Variants in PCDH7 observed in about 807,000 individuals in gnomAD.
The protein encoded by PCDH7 is protocadherin-7.
A neutral mutation model predicts 58.9 loss-of-function variants in PCDH7; 17 were observed. The observed-to-expected ratio is 0.29, with a 90% CI of 0.20 to 0.43. PCDH7 has a LOEUF of 0.43. PCDH7 is among the 20% of genes least tolerant of loss of function. The probability of loss-of-function intolerance (pLI) is 1.00; values close to 1 mark genes in which losing one functional copy is unlikely to be tolerated. For missense variants in PCDH7, 1,274 were observed against 1,441.0 expected, an observed-to-expected ratio of 0.88 and a Z score of 1.88; for synonymous variants, 664 against 616.4, an observed-to-expected ratio of 1.08 and a Z score of -1.14.
intron 1 of PCDH7, among the ~76,000 whole-genome samples, chr4:30,917,222 A>G (rs1376620359): frequency 6.6e-6 from 1 of 151,980 alleles, no homozygotes; most frequent in African/African-American, 2.4e-5. Flanking sequence ...CTCTCATTTC[A>G]TCTAACTCTG....
intron 1 of PCDH7, among the ~76,000 whole-genome samples, chr4:30,762,257 G>C (rs566863453): frequency 4.6e-5 from 7 of 151,838 alleles, no homozygotes; most frequent in African/African-American, 1.7e-4. Context: ...CTTAAAATTC[G>C]CATTTTTTCC....
rs1257589054 is a variant in PCDH7, at chr4:30,842,407, C to T, written c.71-77746C>T. Among the ~76,000 whole-genome samples, 3 of 152,200 alleles carry T rather than the reference C, an allele frequency of 2.0e-5. No homozygotes were observed. In the East Asian group the frequency reaches 5.8e-4, roughly 29 times the overall value. On this transcript the variant is annotated intron_variant, in intron 1 of 3. Coordinates refer to the PCDH7 transcript ENST00000509759. ...ATTGATATCATGTTCTCTTTTGAAGCACTTTTCACATTTGAAATTGGCAGT... is the reference window on the plus strand; with the variant it reads ...ATTGATATCATGTTCTCTTTTGAAGTACTTTTCACATTTGAAATTGGCAGT...
chr4:31,048,073 C>T (rs141155769), intron 3 of PCDH7, among the ~76,000 whole-genome samples: 266 of 151,988 alleles, frequency 1.8e-3, no homozygotes, highest in African/African-American at 6.1e-3. Context: ...AATATTAGTT[C>T]CATGAAGAAA....
chr4:30,917,129 C>T (rs1449846594), intron 1 of PCDH7, among the ~76,000 whole-genome samples: 1 of 152,152 alleles, frequency 6.6e-6, no homozygotes, highest in East Asian at 1.9e-4. Flanking sequence ...AATATTGTGT[C>T]ATAACCTTTG....
intron 1 of PCDH7, among the ~76,000 whole-genome samples, chr4:30,883,290 C>A (rs1228079562): frequency 2.0e-5 from 3 of 152,172 alleles, no homozygotes; most frequent in Non-Finnish European, 4.4e-5. Context: ...GATGGTATAA[C>A]CATTACCAAG....
chr4:30,911,577 A>C (rs1429548077), intron 1 of PCDH7, among the ~76,000 whole-genome samples: 1 of 152,170 alleles, frequency 6.6e-6, no homozygotes, highest in African/African-American at 2.4e-5. Context: ...GAGGAACCAC[A>C]ATTTGTGTTT....
Position 31,120,441 on chromosome 4 carries a change from CTTT to C in PCDH7, c.*8-22018_*8-22016del, listed in dbSNP as rs138878762. 8.0e-4 allele frequency among the ~76,000 whole-genome samples: 86 copies of C among 107,962 alleles called. 1 individual carries two copies. Among genetic ancestry groups the C allele is most frequent in the Admixed American group, 2.2e-3 (23 of 10,552 alleles). 70.8% of individuals were successfully genotyped at this position (107,962 alleles called of 152,430 possible). ...TCGTTGTTTTTCTTTCTATTTTTTTCTTTTTTTTTTTTTTTTGGTCAATCTGTA... is the reference window on the plus strand; with the variant it reads ...TCGTTGTTTTTCTTTCTATTTTTTTCTTTTTTTTTTTTTGGTCAATCTGTA... On this transcript the variant is annotated intron_variant, in intron 3 of 3. Transcript: ENST00000509759.
chr4:31,068,905 A>G (rs1371548357), intron 3 of PCDH7, among the ~76,000 whole-genome samples: 1 of 151,980 alleles, frequency 6.6e-6, no homozygotes, highest in Non-Finnish European at 1.5e-5. Flanking sequence ...TATTTCCGGA[A>G]CAGACTTCAG....
chr4:30,983,214 C>T (rs1219281974), intron 3 of PCDH7, among the ~76,000 whole-genome samples: 1 of 152,134 alleles, frequency 6.6e-6, no homozygotes, highest in Non-Finnish European at 1.5e-5. Flanking sequence ...TACACATTTA[C>T]AAGTAGATAT....
Position 30,888,282 on chromosome 4 carries a change from A to T in PCDH7, c.71-31871A>T, listed in dbSNP as rs563836534. ...TCTATGAAGTAGTCTTATGAAACACACACACACATACACACACACACAGAA... is the reference window on the plus strand; with the variant it reads ...TCTATGAAGTAGTCTTATGAAACACTCACACACATACACACACACACAGAA... On this transcript the variant is annotated intron_variant, in intron 1 of 3. Coordinates refer to the PCDH7 transcript ENST00000509759. Among the ~76,000 whole-genome samples the T allele has an allele frequency of 1.4e-4, 21 of 152,192 alleles. No homozygotes were observed. The South Asian group carries it at 4.4e-3, about 32-fold the overall frequency.
At chr4:31,065,497 C>T (rs754932695) in intron 3 of PCDH7, among the ~76,000 whole-genome samples, 21 of 152,060 alleles carry the variant, frequency 1.4e-4, no homozygotes, top group South Asian at 4.1e-4. Flanking sequence ...AAAATTAATG[C>T]TTCTCCAATT....
At chr4:30,763,543 A>T (rs1720316766) in intron 1 of PCDH7, among the ~76,000 whole-genome samples, 1 of 152,236 alleles carries the variant, frequency 6.6e-6, no homozygotes, top group African/African-American at 2.4e-5. Flanking sequence ...ACAAGTCAGT[A>T]AATCAGTGTT....
At chr4:31,093,984 C>T (rs913912912) in intron 3 of PCDH7, among the ~76,000 whole-genome samples, 2 of 152,052 alleles carry the variant, frequency 1.3e-5, no homozygotes, top group African/African-American at 4.8e-5. Context: ...TTATGGTGGA[C>T]ATGTTTTTGG....
In PCDH7 at chr4:31,107,857, C is replaced by T. The variant is rs146874201; in HGVS notation, c.*8-34616C>T. Among the ~76,000 whole-genome samples the T allele has an allele frequency of 1.6e-3, 243 of 151,792 alleles. 2 individuals carry two copies. Among genetic ancestry groups the T allele is most frequent in the African/African-American group, 5.3e-3 (219 of 41,400 alleles). On this transcript the variant is annotated intron_variant, in intron 3 of 3. Transcript: ENST00000509759. ...ATGGGTATGAAATTACCTTTCTCAC[C>T]GGAATTTTGTGGATATTTATGATTA...
chr4:31,088,366 T>C (rs1003208600), intron 3 of PCDH7, among the ~76,000 whole-genome samples: 2 of 152,064 alleles, frequency 1.3e-5, no homozygotes, highest in Non-Finnish European at 2.9e-5. Flanking sequence ...GATTACAAGC[T>C]ACGTGAAGAG....
At chr4:31,052,221 A>C in intron 3 of PCDH7, among the ~76,000 whole-genome samples, 1 of 152,154 alleles carries the variant, frequency 6.6e-6, no homozygotes. Context: ...GTTTAAACAA[A>C]AGTGTCTTCT....
intron 3 of PCDH7, among the ~76,000 whole-genome samples, chr4:30,976,124 T>G (rs564896596): frequency 6.6e-6 from 1 of 152,346 alleles, no homozygotes; most frequent in East Asian, 1.9e-4. Flanking sequence ...GTTTTATATC[T>G]ACTTTCAATA....
At chr4:30,842,564 T>C (rs1306577856) in intron 1 of PCDH7, among the ~76,000 whole-genome samples, 4 of 152,050 alleles carry the variant, frequency 2.6e-5, no homozygotes, top group African/African-American at 9.7e-5. Flanking sequence ...CTGTATTCAG[T>C]GAGTGGATGG....
At chr4:31,095,694 A>T (rs571299768) in intron 3 of PCDH7, among the ~76,000 whole-genome samples, 14 of 152,296 alleles carry the variant, frequency 9.2e-5, no homozygotes, top group Middle Eastern at 3.4e-3. Flanking sequence ...TGGAGTATTT[A>T]ATTGAGATTA....
Sources: gnomAD v4.1 joint callset for allele counts (sites outside exome capture counted in the v4.1 genomes callset) on GRCh38, gnomAD v4.1.1 for gene constraint, MANE v1.5 for transcripts, NCBI Gene and HGNC (gene_info 2026-07-23, HGNC 2026-07-21) for gene names.